The following APIP variants were observed in gnomAD, a reference collection of about 807,000 sequenced individuals.
The protein encoded by APIP is APAF1 interacting protein.
Under a neutral mutation model 32.0 loss-of-function variants are expected in APIP, and 32 were observed. That is an observed-to-expected ratio of 1.00 (90% CI 0.76 to 1.34). The LOEUF (loss-of-function observed/expected upper bound fraction) is 1.34. Among genes scored for constraint, APIP ranks in the 40% most tolerant of loss-of-function variants. The pLI is 0.00. For synonymous variants in APIP, 92 were observed against 94.8 expected (o/e 0.97, Z 0.17); for missense variants, 247 against 298.6 (o/e 0.83, Z 1.27).
At chr11:34,909,580 C>G (rs1205404170) in intron 1 of APIP, among the ~76,000 whole-genome samples, 2 of 152,028 alleles carry the variant, frequency 1.3e-5, no homozygotes, top group African/African-American at 4.8e-5. Flanking sequence ...GGCAAGTACT[C>G]CAGGCAGAGG....
At chr11:34,912,979 T>C (rs1349159660) in intron 1 of APIP, among the ~76,000 whole-genome samples, 2 of 152,206 alleles carry the variant, frequency 1.3e-5, no homozygotes, top group African/African-American at 4.8e-5. Context: ...TGTATTCTCT[T>C]TCTGGTGGAC....
chr11:34,913,548 A>G (rs1853593185), intron 1 of APIP, among the ~76,000 whole-genome samples: 1 of 152,152 alleles, frequency 6.6e-6, no homozygotes, highest in Non-Finnish European at 1.5e-5. Context: ...GGTCTCGCTG[A>G]CTTCAGGAAT....
At chr11:34,907,772 T>C (rs569836505) in intron 1 of APIP, among the ~76,000 whole-genome samples, 95 of 152,238 alleles carry the variant, frequency 6.2e-4, no homozygotes, top group Non-Finnish European at 1.1e-3. Context: ...CTATTTATAG[T>C]AGAGGTTCTA....
At position 34,890,604 on chromosome 11, in the gene APIP, C is replaced by A. The variant is rs142972338; in HGVS notation, c.159-52G>T. On this transcript the variant is annotated intron_variant, in intron 2 of 6. Coordinates refer to ENST00000395787, the MANE Select transcript of APIP (RefSeq NM_015957.4). ...TATTTATTTATTTCCTGCTTTTGCA[C>A]AAAGAAAAGTTTGCAGTCCAATCAT... 0.015 allele frequency: 23,182 copies of A among 1,592,484 alleles called. 203 individuals are homozygous for A. Among genetic ancestry groups the A allele is most frequent in the Non-Finnish European group, 0.018 (21,322 of 1,165,972 alleles).
chr11:34,900,931 C>G (rs1465238708), intron 1 of APIP, among the ~76,000 whole-genome samples: 1 of 152,036 alleles, frequency 6.6e-6, no homozygotes, highest in Non-Finnish European at 1.5e-5. Flanking sequence ...CTGAGAGAGG[C>G]ACTAATAAAA....
At chr11:34,916,132 A>G in intron 1 of APIP, 96 bp downstream of exon 1, 1 of 1,492,034 alleles carries the variant, frequency 6.7e-7, no homozygotes, top group Non-Finnish European at 9.0e-7. Flanking sequence ...CCGCAGCTAA[A>G]CGCCCGGCCC....
rs920962565 is a variant in APIP, at chr11:34,898,761, C to A, written c.58-3651G>T. ...CCAGGTCTCTCTACTACTACTCTGG[C>A]GAGCACATAGTATTTCTTTCTTTGG... is the stretch of plus-strand genomic sequence containing the variant. On this transcript the variant is annotated intron_variant, in intron 1 of 6. Transcript: ENST00000395787. 2.8e-5 allele frequency among the ~76,000 whole-genome samples: 4 copies of A among 140,420 alleles called. No individual in the cohort carries two copies. The East Asian group carries it at 8.8e-4, about 31-fold the overall frequency. 92.1% of individuals were successfully genotyped at this position (140,420 alleles called of 152,430 possible).
chr11:34,899,164 C>A (rs1193682356), intron 1 of APIP, among the ~76,000 whole-genome samples: 2 of 152,148 alleles, frequency 1.3e-5, no homozygotes, highest in African/African-American at 4.8e-5. Context: ...CCACTGAGCC[C>A]GGCCTCGAGC....
chr11:34,891,336 G>A (rs908773197), intron 2 of APIP, among the ~76,000 whole-genome samples: 3 of 152,060 alleles, frequency 2.0e-5, no homozygotes, highest in African/African-American at 7.2e-5. Flanking sequence ...CTAAACAAAC[G>A]TCCCTTGGCT....
intron 1 of APIP, among the ~76,000 whole-genome samples, chr11:34,898,928 A>G (rs1853331699): frequency 6.6e-6 from 1 of 150,878 alleles, no homozygotes; most frequent in East Asian, 2.0e-4. Flanking sequence ...CCTCCCGAGT[A>G]GCTGGGACTA....
At position 34,888,415 on chromosome 11, in the gene APIP, C is replaced by G; in HGVS notation, c.339G>C (p.Val113=). The G allele has an allele frequency of 6.2e-7, 1 of 1,608,360 alleles. No individual in the cohort carries two copies. Among genetic ancestry groups the G allele is most frequent in the South Asian group, 1.1e-5 (1 of 89,182 alleles). ...CAGCAGCTTTAGAGTGGGTATGAAT[C>G]ACTGCACCTGCTCCTGAAGGAGGAA... is the stretch of plus-strand genomic sequence containing the variant. ...NAYTMRGAGA[V]IHTHSKAAVM... is the part of the protein sequence containing the mutation. Residue 113 remains valine (V), a synonymous_variant, in exon 5 of 7, where the codon GTG becomes GTC. Transcript: ENST00000395787.
intron 1 of APIP, among the ~76,000 whole-genome samples, chr11:34,902,486 T>TACATGA (rs553616866): frequency 7.2e-4 from 110 of 152,250 alleles, no homozygotes; most frequent in African/African-American, 2.6e-3. Context: ...TATCTAGGAT[T>TACATGA]AGTACTGTCC....
chr11:34,897,507 G>T (rs1320494358), intron 1 of APIP, among the ~76,000 whole-genome samples: 1 of 101,840 alleles, frequency 9.8e-6, no homozygotes, highest in Non-Finnish European at 1.9e-5. Flanking sequence ...AATTATTTTA[G>T]ACAGAGAGGG....
chr11:34,916,175 C>G lies in APIP; in HGVS notation c.57+53G>C, dbSNP rs1853682835. 41 of 1,578,368 alleles carry G rather than the reference C, an allele frequency of 2.6e-5. No individual in the cohort carries two copies. The South Asian group carries it at 4.7e-4, about 18-fold the overall frequency. On this transcript the variant is annotated intron_variant, in intron 1 of 6. Coordinates refer to ENST00000395787, the MANE Select transcript of APIP (RefSeq NM_015957.4). ...TGCGCCCAGCTCCAGCCGCCGGGTC[C>G]CGCCTGGGCCTCTCCTCCTGGGAAT...
At chr11:34,897,937 A>G (rs574336353) in intron 1 of APIP, among the ~76,000 whole-genome samples, 1 of 151,990 alleles carries the variant, frequency 6.6e-6, no homozygotes, top group African/African-American at 2.4e-5. Context: ...TTCCCGCTCC[A>G]CTTGGGGTTT....
chr11:34,914,359 T>A (rs573469258), intron 1 of APIP, among the ~76,000 whole-genome samples: 204 of 152,336 alleles, frequency 1.3e-3, no homozygotes, highest in Non-Finnish European at 2.2e-3. Flanking sequence ...GTTGAATTAA[T>A]CACTTACAGT....
At position 34,882,878 on chromosome 11, in the gene APIP, A is replaced by G. The variant is rs1237097009; in HGVS notation, c.630-62T>C. On this transcript the variant is annotated intron_variant, in intron 6 of 6. Transcript: ENST00000395787. ...GAAACAGAGTTCTCCAATCCTAAAGAATCACATTTCTCCTCTCTTGCAGTT... is the reference window on the plus strand; with the variant it reads ...GAAACAGAGTTCTCCAATCCTAAAGGATCACATTTCTCCTCTCTTGCAGTT... 3 of 1,160,398 alleles carry G rather than the reference A, an allele frequency of 2.6e-6. No individual in the cohort carries two copies. The African/African-American group carries it at 4.7e-5, about 18-fold the overall frequency. The allele number at this position is 1,160,398 out of a possible 1,614,324, so 71.9% of individuals were successfully genotyped here.
intron 2 of APIP, among the ~76,000 whole-genome samples, chr11:34,891,752 G>A (rs567394315): frequency 1.4e-4 from 22 of 152,292 alleles, no homozygotes; most frequent in Admixed American, 3.9e-4. Context: ...TATTGTTTCC[G>A]AGTTCTGCAA....
intron 1 of APIP, 72 bp from the exon 2 acceptor site, chr11:34,895,182 A>G (rs949843149): frequency 8.2e-5 from 108 of 1,310,648 alleles, no homozygotes; most frequent in Non-Finnish European, 1.2e-4. Context: ...GGTGTTTCTA[A>G]TAAGAAGCCA....
Sources: gnomAD v4.1 joint callset for allele counts (sites outside exome capture counted in the v4.1 genomes callset) on GRCh38, gnomAD v4.1.1 for gene constraint, MANE v1.5 for transcripts, NCBI Gene and HGNC (gene_info 2026-07-23, HGNC 2026-07-21) for gene names.